Variants in SLC2A9 observed in about 807,000 individuals in gnomAD.
SLC2A9 encodes solute carrier family 2 member 9.
Under a neutral mutation model 50.6 loss-of-function variants are expected in SLC2A9, and 39 were observed. The ratio of observed to expected loss-of-function variants is 0.77; its 90% CI spans 0.60 to 1.01. SLC2A9 has a LOEUF of 1.01. SLC2A9 is among the 50% of genes least tolerant of loss of function. The pLI, the probability that SLC2A9 is intolerant of heterozygous loss-of-function variation, is 0.00. For missense variants in SLC2A9, 686 were observed against 677.6 expected (o/e 1.01, Z -0.14); for synonymous variants, 324 against 276.9 (o/e 1.17, Z -1.69).
At chr4:9,801,568 G>A (rs944790515) in intron 3 of SLC2A9, among the ~76,000 whole-genome samples, 1 of 152,180 alleles carries the variant, frequency 6.6e-6, no homozygotes, top group Non-Finnish European at 1.5e-5. Flanking sequence ...CATCCCCATC[G>A]TTGAGGGTGG....
intron 5 of SLC2A9, among the ~76,000 whole-genome samples, chr4:9,958,989 GAAAGT>G (rs10565284): frequency 0.48 from 72,861 of 151,410 alleles, 18,811 homozygotes; most frequent in African/African-American, 0.67. Flanking sequence ...TACGAGAAAG[GAAAGT>G]AATCGGTAAA....
At chr4:10,014,482 G>C (rs1466770862) in intron 2 of SLC2A9, among the ~76,000 whole-genome samples, 4 of 152,182 alleles carry the variant, frequency 2.6e-5, no homozygotes, top group Non-Finnish European at 5.9e-5. Context: ...GCTGGATCAT[G>C]CTCCTGTTCT....
At chr4:9,848,201 C>G (rs1729280112) in intron 10 of SLC2A9, among the ~76,000 whole-genome samples, 1 of 152,180 alleles carries the variant, frequency 6.6e-6, no homozygotes, top group East Asian at 1.9e-4. Flanking sequence ...TTTCAAGGCA[C>G]ACAAGGATAT....
At chr4:9,944,541 G>A (rs1026102594) in intron 5 of SLC2A9, among the ~76,000 whole-genome samples, 1 of 152,168 alleles carries the variant, frequency 6.6e-6, no homozygotes, top group Non-Finnish European at 1.5e-5. Flanking sequence ...AGAAAAGGTG[G>A]ATTCTTTAAA....
At chr4:9,821,937 A>G (rs145665522), downstream of SLC2A9, among the ~76,000 whole-genome samples, 642 of 152,170 alleles carry the variant, frequency 4.2e-3, no homozygotes, top group Non-Finnish European at 7.1e-3. Flanking sequence ...CAGGTTATCT[A>G]TTTTTTCTTG....
Position 9,971,213 on chromosome 4 carries a change from G to C in SLC2A9, c.681+9379C>G, listed in dbSNP as rs374934011. On this transcript the variant is annotated intron_variant, in intron 5 of 11. Transcript: ENST00000264784. ...TACAACAACAAGTTTCACCTAATTTGTCATGATCATTTAATTAATTTAATT... is the reference window on the plus strand; with the variant it reads ...TACAACAACAAGTTTCACCTAATTTCTCATGATCATTTAATTAATTTAATT... Among the ~76,000 whole-genome samples the C allele has an allele frequency of 2.6e-5, 4 of 152,240 alleles. No individual in the cohort carries two copies. The South Asian group carries it at 6.2e-4, about 24-fold the overall frequency.
chr4:9,828,542 C>T (rs112352025), intron 11 of SLC2A9, among the ~76,000 whole-genome samples: 4 of 152,330 alleles, frequency 2.6e-5, no homozygotes, highest in African/African-American at 7.2e-5. Flanking sequence ...TGATCTTACT[C>T]TCCTCACTTT....
At chr4:9,843,908 A>C (rs1728496513) in intron 10 of SLC2A9, among the ~76,000 whole-genome samples, 1 of 152,160 alleles carries the variant, frequency 6.6e-6, no homozygotes, top group African/African-American at 2.4e-5. Flanking sequence ...TTGCCCACCA[A>C]TTTGCTTTGG....
chr4:9,941,824 CCTGTGCCCATTGGCCCA>C lies in SLC2A9; in HGVS notation c.814+72_814+88del, dbSNP rs1007728328. Reference sequence around the variant, plus strand: ...AAAAGGAACAATGACAACACCCCTTCCTGTGCCCATTGGCCCAGGTCCCAGCATGCCTTGCAGTGATG... The same window carrying C: ...AAAAGGAACAATGACAACACCCCTTCGGTCCCAGCATGCCTTGCAGTGATG... On this transcript the variant is annotated intron_variant, in intron 6 of 11. Coordinates refer to ENST00000264784, the MANE Select transcript of SLC2A9 (RefSeq NM_020041.3). The C allele has an allele frequency of 7.3e-5, 115 of 1,577,206 alleles. 1 individual carries two copies. In the African/African-American group the frequency reaches 1.5e-3, roughly 20 times the overall value.
intron 3 of SLC2A9, among the ~76,000 whole-genome samples, chr4:9,993,797 C>A (rs1758122704): frequency 6.6e-6 from 1 of 152,194 alleles, no homozygotes; most frequent in African/African-American, 2.4e-5. Context: ...GAGGAACCTG[C>A]ATCTGTGTGA....
At chr4:9,981,882 C>A (rs930349896) in intron 4 of SLC2A9, among the ~76,000 whole-genome samples, 2 of 143,740 alleles carry the variant, frequency 1.4e-5, no homozygotes, top group Non-Finnish European at 3.1e-5. Context: ...GCTTTAAATT[C>A]TTTTTTTTTT....
At chr4:9,851,906 A>C (rs759644612) in intron 10 of SLC2A9, among the ~76,000 whole-genome samples, 2 of 152,248 alleles carry the variant, frequency 1.3e-5, no homozygotes, top group Non-Finnish European at 2.9e-5. Flanking sequence ...AAAATCTCTG[A>C]GCAATATGAG....
At chr4:9,905,212 A>C (rs1740428854) in intron 8 of SLC2A9, among the ~76,000 whole-genome samples, 1 of 152,244 alleles carries the variant, frequency 6.6e-6, no homozygotes. Context: ...CTGAATCATC[A>C]CTTCCTGCTC....
chr4:9,936,440 A>G (rs536337000), intron 6 of SLC2A9, among the ~76,000 whole-genome samples: 4 of 152,082 alleles, frequency 2.6e-5, no homozygotes, highest in Non-Finnish European at 5.9e-5. Flanking sequence ...ACATGCTGTG[A>G]CACACAGTAG....
At chr4:9,960,088 C>T in intron 5 of SLC2A9, among the ~76,000 whole-genome samples, 1 of 27,010 alleles carries the variant, frequency 3.7e-5, no homozygotes, top group South Asian at 1.2e-3. Context: ...GGAAAAGCCG[C>T]AAGTCAAGAA....
chr4:10,031,976 C>T (rs1159677763), intron 1 of SLC2A9, among the ~76,000 whole-genome samples: 3 of 152,164 alleles, frequency 2.0e-5, no homozygotes, highest in South Asian at 4.1e-4. Flanking sequence ...AAGGAGGCAG[C>T]GTGTTTGTTT....
At chr4:9,859,497 T>C (rs1389040430) in intron 10 of SLC2A9, among the ~76,000 whole-genome samples, 2 of 152,208 alleles carry the variant, frequency 1.3e-5, no homozygotes, top group East Asian at 1.9e-4. Context: ...GTGGTAGAGA[T>C]AGAAATTGAT....
chr4:9,775,949 G>T (rs1560268274), downstream of SLC2A9, among the ~76,000 whole-genome samples: 1 of 152,114 alleles, frequency 6.6e-6, no homozygotes, highest in East Asian at 1.9e-4. Flanking sequence ...GCAGCCGGGG[G>T]AAGAGCTCAG....
intron 1 of SLC2A9, among the ~76,000 whole-genome samples, chr4:9,772,269 G>T (rs1716922495): frequency 6.6e-6 from 1 of 152,140 alleles, no homozygotes; most frequent in African/African-American, 2.4e-5. Context: ...GATAGAAGGG[G>T]TTGGCTGGTG....
Sources: gnomAD v4.1 joint callset for allele counts (sites outside exome capture counted in the v4.1 genomes callset) on GRCh38, gnomAD v4.1.1 for gene constraint, MANE v1.5 for transcripts, NCBI Gene and HGNC (gene_info 2026-07-23, HGNC 2026-07-21) for gene names.